DNAH14: variants seen among roughly 807,000 people sequenced by gnomAD.
DNAH14 encodes axonemal beta dynein heavy chain 14.
DNAH14 carries 478 observed loss-of-function variants against 520.9 expected under a neutral mutation model. The observed-to-expected ratio is 0.92, with a 90% confidence interval of 0.85 to 0.99. The LOEUF (loss-of-function observed/expected upper bound fraction) is 0.99. Among genes scored for constraint, DNAH14 ranks in the 50% least tolerant of loss-of-function variants. The pLI is 0.00. For synonymous variants in DNAH14, 1,581 were observed against 1,757.2 expected (o/e 0.90, Z 2.51); for missense variants, 4,831 against 5,234.5 (o/e 0.92, Z 2.38).
At chr1:225,118,781 G>A (rs1355514511) in intron 25 of DNAH14, among the ~76,000 whole-genome samples, 1 of 151,628 alleles carries the variant, frequency 6.6e-6, no homozygotes, top group Non-Finnish European at 1.5e-5. Flanking sequence ...TACTTGGGGG[G>A]CTGGGACAGG....
chr1:225,248,400 GA>G (rs1355892673), intron 43 of DNAH14, among the ~76,000 whole-genome samples: 2 of 152,186 alleles, frequency 1.3e-5, no homozygotes, highest in Admixed American at 6.5e-5. Flanking sequence ...TAAGATGGAA[GA>G]GGGGGGTGTT....
chr1:225,346,613 T>C lies in DNAH14; in HGVS notation c.11255T>C (p.Leu3752Ser). The change falls in exon 71 of 86, where the codon TTG becomes TCG. Residue 3752 changes from leucine to serine, a missense_variant. Coordinates refer to ENST00000682510, the MANE Select transcript of DNAH14 (RefSeq NM_001367479.1). Reference sequence around the variant, plus strand: ...AACATCTTTTTATATTCTGGCATATTGATAAATATTAAAAGTGCATTATCC... The same window carrying C: ...AACATCTTTTTATATTCTGGCATATCGATAAATATTAAAAGTGCATTATCC... ...EWNIFLYSGI[L>S]INIKSALSQS... 1.3e-6 allele frequency: 2 copies of C among 1,549,664 alleles called. No homozygotes were observed. The highest frequency in any genetic ancestry group is 1.7e-6 in the Non-Finnish European group (2 of 1,145,744).
At position 225,374,738 on chromosome 1, in the gene DNAH14, G is replaced by A. The variant is rs1429744525; in HGVS notation, c.12369G>A (p.Ser4123=). 34 of 1,550,832 alleles carry A rather than the reference G, an allele frequency of 2.2e-5. No homozygotes were observed. Among genetic ancestry groups the A allele is most frequent in the Non-Finnish European group, 2.8e-5 (32 of 1,146,534 alleles). The change falls in exon 78 of 86, where the codon TCG becomes TCA. Residue 4123 remains serine (S), a synonymous_variant. Transcript: ENST00000682510. ...ENSLRGQPSI[S]WQALRYLIGE... ...CCCTGAGAGGACAGCCCAGCATTTC[G>A]TGGCAAGCACTGCGCTACCTGATTG...
intron 59 of DNAH14, 116 bp from the exon 60 acceptor site, chr1:225,308,169 T>A: frequency 9.3e-7 from 1 of 1,078,860 alleles, no homozygotes; most frequent in Non-Finnish European, 1.3e-6. Context: ...TTAAATATAT[T>A]TCAGGCTGAT....
At chr1:225,226,806 A>G (rs933402670) in intron 41 of DNAH14, among the ~76,000 whole-genome samples, 2 of 152,140 alleles carry the variant, frequency 1.3e-5, no homozygotes, top group African/African-American at 4.8e-5. Flanking sequence ...TATTCTGGCA[A>G]GGGGGATGTG....
chr1:225,155,380 G>A (rs2080925060), intron 34 of DNAH14, among the ~76,000 whole-genome samples: 1 of 152,034 alleles, frequency 6.6e-6, no homozygotes, highest in Admixed American at 6.6e-5. Flanking sequence ...AAAGGATAGG[G>A]GATAAAGCTA....
intron 73 of DNAH14, among the ~76,000 whole-genome samples, chr1:225,355,252 T>G (rs1011872961): frequency 1.3e-5 from 2 of 152,012 alleles, no homozygotes; most frequent in Admixed American, 1.3e-4. Flanking sequence ...AAGAAAGTCT[T>G]TCTCTTTTCT....
intron 1 of DNAH14, among the ~76,000 whole-genome samples, chr1:224,939,538 G>T (rs1456929191): frequency 6.6e-6 from 1 of 152,082 alleles, no homozygotes; most frequent in Non-Finnish European, 1.5e-5. Context: ...CGAAAAATTA[G>T]CTGGGTGTGG....
chr1:225,155,051 A>G (rs779018662), intron 34 of DNAH14, among the ~76,000 whole-genome samples: 1 of 152,138 alleles, frequency 6.6e-6, no homozygotes, highest in Non-Finnish European at 1.5e-5. Flanking sequence ...CCCACACGTA[A>G]TGAAAGAATG....
At chr1:225,255,550 A>G (rs1369647694) in intron 44 of DNAH14, among the ~76,000 whole-genome samples, 2 of 152,186 alleles carry the variant, frequency 1.3e-5, no homozygotes, top group African/African-American at 4.8e-5. Flanking sequence ...ATTATCCTAC[A>G]TCATCTAAGG....
At chr1:225,156,205 AT>A (rs1228523319) in intron 34 of DNAH14, among the ~76,000 whole-genome samples, 3 of 152,006 alleles carry the variant, frequency 2.0e-5, no homozygotes, top group African/African-American at 7.3e-5. Flanking sequence ...CCTAATGTTA[AT>A]TCTCAAATAT....
At chr1:224,955,228 A>G (rs1044725710) in intron 3 of DNAH14, 130 bp downstream of exon 3, 2 of 985,082 alleles carry the variant, frequency 2.0e-6, no homozygotes, top group South Asian at 1.5e-5. Context: ...CTATTTTACT[A>G]ACTTCATTAG....
Position 225,094,888 on chromosome 1 carries a change from G to C in DNAH14, c.3574-2230G>C, listed in dbSNP as rs539759081. Among the ~76,000 whole-genome samples the C allele has an allele frequency of 2.1e-4, 30 of 145,304 alleles. No individual in the cohort carries two copies. In the East Asian group the frequency reaches 5.0e-3, roughly 24 times the overall value. ...CACAAACAGACACTTTTCAAAAGAA[G>C]ACATACACATGGCCAACAAGCATAT... On this transcript the variant is annotated intron_variant, in intron 21 of 85. Transcript: ENST00000682510.
chr1:225,357,490 T>A (rs1005150927), intron 73 of DNAH14, among the ~76,000 whole-genome samples: 1 of 152,184 alleles, frequency 6.6e-6, no homozygotes, highest in African/African-American at 2.4e-5. Flanking sequence ...AAACACCTAA[T>A]CATTTGTTTC....
chr1:225,176,080 C>T (rs906251516), intron 36 of DNAH14, among the ~76,000 whole-genome samples: 2 of 152,134 alleles, frequency 1.3e-5, no homozygotes, highest in Non-Finnish European at 2.9e-5. Flanking sequence ...GGAAAGAATG[C>T]ATTATGTTTA....
intron 41 of DNAH14, among the ~76,000 whole-genome samples, chr1:225,226,010 C>G (rs2090495464): frequency 6.6e-6 from 1 of 152,194 alleles, no homozygotes; most frequent in African/African-American, 2.4e-5. Flanking sequence ...GCTCTGGACA[C>G]AGACACCATT....
chr1:225,027,736 C>G (rs978831890), intron 11 of DNAH14, among the ~76,000 whole-genome samples: 4 of 152,220 alleles, frequency 2.6e-5, no homozygotes, highest in Admixed American at 2.6e-4. Flanking sequence ...CACCTTCCAC[C>G]AGACCCCTCC....
intron 69 of DNAH14, 86 bp downstream of exon 69, chr1:225,340,787 A>C (rs569470752): frequency 1.4e-6 from 2 of 1,388,300 alleles, no homozygotes; most frequent in South Asian, 1.5e-5. Flanking sequence ...AATTTGAGCC[A>C]AAAATACCAA....
rs779941651 is a variant in DNAH14, at chr1:225,176,049, C to T, written c.5535+8021C>T. ...GATTACAGGCATGAGCCACCACACCCGGCCAAACTTCCTTCTTAAAGGAAA... is the reference window on the plus strand; with the variant it reads ...GATTACAGGCATGAGCCACCACACCTGGCCAAACTTCCTTCTTAAAGGAAA... On this transcript the variant is annotated intron_variant, in intron 36 of 85. Transcript: ENST00000682510. Among the ~76,000 whole-genome samples, 46 of 152,240 alleles carry T rather than the reference C, an allele frequency of 3.0e-4. 1 individual carries two copies. The highest frequency in any genetic ancestry group is 9.2e-4 in the Admixed American group (14 of 15,286).
Sources: allele counts gnomAD v4.1 joint callset (sites outside exome capture counted in the v4.1 genomes callset), GRCh38; gene constraint gnomAD v4.1.1; transcripts MANE v1.5; gene names NCBI Gene and HGNC (gene_info 2026-07-23, HGNC 2026-07-21).